The following RAPGEF2 variants were observed in gnomAD, a reference collection of about 807,000 sequenced individuals.
RAPGEF2 encodes PDZ domain containing guanine nucleotide exchange factor (GEF) 1.
A neutral mutation model predicts 186.7 loss-of-function variants in RAPGEF2; 54 were observed. That is an observed-to-expected ratio of 0.29 (90% CI 0.23 to 0.36). The LOEUF (loss-of-function observed/expected upper bound fraction) is 0.36. Among genes scored for constraint, RAPGEF2 ranks in the 10% least tolerant of loss-of-function variants. The pLI is 1.00. For missense variants in RAPGEF2, 1,532 were observed against 2,045.0 expected, an observed-to-expected ratio of 0.75 and a Z score of 4.84; for synonymous variants, 712 against 705.9, an observed-to-expected ratio of 1.01 and a Z score of -0.14.
chr4:159,327,963 A>T (rs1007647108), intron 11 of RAPGEF2: 19 of 152,224 alleles, frequency 1.2e-4, no homozygotes, highest in South Asian at 2.1e-4. Flanking sequence ...ATTCTAATTT[A>T]AAAAAGTCTG....
intron 7 of RAPGEF2, among the ~76,000 whole-genome samples, chr4:159,301,905 C>T (rs1451119240): frequency 1.3e-5 from 2 of 152,148 alleles, no homozygotes; most frequent in East Asian, 3.8e-4. Context: ...TTGTTTGTAA[C>T]ACCTATCACA....
At chr4:159,122,127 T>C (rs1332470768) in intron 1 of RAPGEF2, among the ~76,000 whole-genome samples, 1 of 150,624 alleles carries the variant, frequency 6.6e-6, no homozygotes, top group East Asian at 2.0e-4. Flanking sequence ...GCACAAAATA[T>C]ATTTAGATAA....
chr4:159,330,708 CCTT>C, intron 13 of RAPGEF2: 1 of 471,518 alleles, frequency 2.1e-6, no homozygotes. Flanking sequence ...ATTAGTTCAG[CCTT>C]CTTTAAACAC....
intron 7 of RAPGEF2, among the ~76,000 whole-genome samples, chr4:159,261,266 G>A (rs1179462571): frequency 2.7e-5 from 4 of 150,716 alleles, no homozygotes; most frequent in Non-Finnish European, 5.9e-5. Context: ...GTTTCACTGT[G>A]TTAGCCAGGA....
At chr4:159,218,958 T>C (rs550877594) in intron 4 of RAPGEF2, among the ~76,000 whole-genome samples, 94 of 151,886 alleles carry the variant, frequency 6.2e-4, no homozygotes, top group African/African-American at 2.2e-3. Context: ...GGCCAGTTAA[T>C]GAAAGTACTA....
chr4:159,241,387 A>G lies in RAPGEF2; in HGVS notation c.525+19A>G. 6 of 1,318,032 alleles carry G rather than the reference A, an allele frequency of 4.6e-6. No homozygotes were observed. The highest frequency in any genetic ancestry group is 5.8e-6 in the Non-Finnish European group (6 of 1,030,354). The allele number at this position is 1,318,032 out of a possible 1,614,324, so 81.6% of individuals were successfully genotyped here. A position where few individuals can be genotyped will look rare whatever the true frequency, so the allele number is the denominator to read the frequency against. On this transcript the variant is annotated intron_variant, in intron 6 of 29. Transcript: ENST00000691494. ...TCACACGGTAAGTTATACAAGTATAATATTTTTATTTATTTCTAGTTTTTT... is the reference window on the plus strand; with the variant it reads ...TCACACGGTAAGTTATACAAGTATAGTATTTTTATTTATTTCTAGTTTTTT...
rs967150769 is a variant in RAPGEF2, at chr4:159,132,036, G to A, written c.69+27805G>A. On this transcript the variant is annotated intron_variant, in intron 1 of 29. Transcript: ENST00000691494. ...TCAAGTTGGAGAGTAAAATATTCCC[G>A]GTGTTTTTGCTTATCTAACTGTTGC... is the stretch of plus-strand genomic sequence containing the variant. Among the ~76,000 whole-genome samples, 5 of 152,004 alleles carry A rather than the reference G, an allele frequency of 3.3e-5. No homozygotes were observed. In the East Asian group the frequency reaches 9.6e-4, roughly 29 times the overall value.
intron 1 of RAPGEF2, among the ~76,000 whole-genome samples, chr4:159,154,519 T>TTTA (rs146980777): frequency 2.0e-5 from 3 of 148,446 alleles, no homozygotes; most frequent in East Asian, 3.9e-4. Context: ...TTTTTTTTTT[T>TTTA]AAAAAAAACA....
In RAPGEF2 at chr4:159,283,008, T is replaced by A. The variant is rs11934846; in HGVS notation, c.544-21334T>A. On this transcript the variant is annotated intron_variant, in intron 7 of 29. Transcript: ENST00000691494. Reference sequence around the variant, plus strand: ...TAATGTTGAGTATGTAAGAGGAGCATGGTTATTTGCTTTCTTACTGCTCTA... The same window carrying A: ...TAATGTTGAGTATGTAAGAGGAGCAAGGTTATTTGCTTTCTTACTGCTCTA... 1.0e-2 allele frequency among the ~76,000 whole-genome samples: 1,517 copies of A among 152,308 alleles called. 10 individuals carry two copies. The highest frequency in any genetic ancestry group is 0.034 in the East Asian group (175 of 5,182).
intron 7 of RAPGEF2, among the ~76,000 whole-genome samples, chr4:159,297,665 C>G (rs1171480562): frequency 6.6e-6 from 1 of 152,004 alleles, no homozygotes; most frequent in East Asian, 1.9e-4. Flanking sequence ...AGTGAACTAC[C>G]ATAATGGTAG....
chr4:159,249,012 A>G (rs148779517), intron 7 of RAPGEF2, among the ~76,000 whole-genome samples: 181 of 152,296 alleles, frequency 1.2e-3, no homozygotes, highest in African/African-American at 4.2e-3. Flanking sequence ...GCACTTGGAA[A>G]TTGAAAGTAA....
chr4:159,207,772 T>C (rs982410151), intron 3 of RAPGEF2, among the ~76,000 whole-genome samples: 37 of 152,236 alleles, frequency 2.4e-4, no homozygotes, highest in Non-Finnish European at 4.9e-4. Context: ...GTATTTTTTT[T>C]CCCGCTTTCT....
At chr4:159,320,142 G>A (rs114983339) in intron 9 of RAPGEF2, among the ~76,000 whole-genome samples, 3,022 of 152,286 alleles carry the variant, frequency 0.02, 46 homozygotes, top group South Asian at 0.038. Flanking sequence ...ATGGTGAGGC[G>A]TGAGGGATGA....
intron 16 of RAPGEF2, 142 bp downstream of exon 16, chr4:159,332,176 ATC>A (rs1766768606): frequency 1.5e-6 from 1 of 663,882 alleles, no homozygotes; most frequent in Non-Finnish European, 2.5e-6. Flanking sequence ...AATATTTTTA[ATC>A]TGTCTTTATT....
At chr4:159,188,699 G>T (rs1418653383) in intron 2 of RAPGEF2, among the ~76,000 whole-genome samples, 2 of 151,444 alleles carry the variant, frequency 1.3e-5, no homozygotes, top group African/African-American at 2.4e-5. Flanking sequence ...AAAAGAAAAG[G>T]TATAAAAATA....
chr4:159,164,883 A>G (rs1420650591), intron 1 of RAPGEF2, among the ~76,000 whole-genome samples: 1 of 152,194 alleles, frequency 6.6e-6, no homozygotes, highest in Non-Finnish European at 1.5e-5. Context: ...TCAGTTTGCT[A>G]TTTTTGTTTT....
At chr4:159,116,890 A>T (rs927703710) in intron 1 of RAPGEF2, among the ~76,000 whole-genome samples, 1 of 152,114 alleles carries the variant, frequency 6.6e-6, no homozygotes, top group African/African-American at 2.4e-5. Context: ...GTGTTGGGGG[A>T]GGGAGAGCAT....
chr4:159,340,667 C>CACA (rs1729273686), intron 19 of RAPGEF2, among the ~76,000 whole-genome samples: 1 of 76,846 alleles, frequency 1.3e-5, no homozygotes, highest in Non-Finnish European at 2.6e-5. Context: ...ACCACCATCA[C>CACA]CACACACACA....
chr4:159,114,911 C>T (rs1437368412), intron 1 of RAPGEF2, among the ~76,000 whole-genome samples: 1 of 152,110 alleles, frequency 6.6e-6, no homozygotes, highest in African/African-American at 2.4e-5. Context: ...GGCACTGTTA[C>T]AGCTATGGAT....
Sources: allele counts gnomAD v4.1 joint callset (sites outside exome capture counted in the v4.1 genomes callset), GRCh38; gene constraint gnomAD v4.1.1; transcripts MANE v1.5; gene names NCBI Gene and HGNC (gene_info 2026-07-23, HGNC 2026-07-21).